The following HS3ST2 variants were observed in gnomAD, a reference collection of about 807,000 sequenced individuals.
HS3ST2 encodes the protein heparan sulfate-glucosamine 3-sulfotransferase 2.
Under a neutral mutation model 26.3 loss-of-function variants are expected in HS3ST2, and 17 were observed. The observed-to-expected ratio is 0.65, with a 90% CI of 0.44 to 0.97. HS3ST2 has a LOEUF of 0.97. Among genes scored for constraint, HS3ST2 ranks in the 50% least tolerant of loss-of-function variants. The probability of loss-of-function intolerance (pLI) is 0.00; values close to 1 mark genes in which losing one functional copy is unlikely to be tolerated. For synonymous variants in HS3ST2, 237 were observed against 219.2 expected (o/e 1.08, Z -0.72); for missense variants, 402 against 501.2 (o/e 0.80, Z 1.89).
intron 1 of HS3ST2, among the ~76,000 whole-genome samples, chr16:22,831,640 T>C (rs1160256573): frequency 6.6e-6 from 1 of 152,222 alleles, no homozygotes; most frequent in Non-Finnish European, 1.5e-5. Context: ...GAGAAGTCTT[T>C]GTTTATTGTT....
chr16:22,853,277 G>A (rs977400525), intron 1 of HS3ST2, among the ~76,000 whole-genome samples: 1 of 152,094 alleles, frequency 6.6e-6, no homozygotes, highest in Non-Finnish European at 1.5e-5. Context: ...ACTTCTTACA[G>A]GTGGACTCAT....
At chr16:22,832,209 C>G (rs1049541570) in intron 1 of HS3ST2, among the ~76,000 whole-genome samples, 13 of 146,144 alleles carry the variant, frequency 8.9e-5, no homozygotes, top group Non-Finnish European at 1.6e-4. Context: ...GTTGCCCAAG[C>G]TGGTTTCAAA....
At chr16:22,899,523 C>CAG (rs1180189089) in intron 1 of HS3ST2, among the ~76,000 whole-genome samples, 3 of 152,064 alleles carry the variant, frequency 2.0e-5, no homozygotes, top group Non-Finnish European at 4.4e-5. Context: ...GCCAGTTGTC[C>CAG]AGAGACACAT....
chr16:22,833,105 C>T lies in HS3ST2; in HGVS notation c.485+18010C>T, dbSNP rs1901199001. On this transcript the variant is annotated intron_variant, in intron 1 of 1. Coordinates refer to ENST00000261374, the MANE Select transcript of HS3ST2 (RefSeq NM_006043.2). ...CTCCCCAGCCTCTGCTAAAGATGGG[C>T]CACCAATGGTGTTGATCTGGAATTG... Among the ~76,000 whole-genome samples the T allele has an allele frequency of 5.3e-5, 8 of 152,318 alleles. No homozygotes were observed. In the South Asian group the frequency reaches 1.7e-3, roughly 32 times the overall value.
At chr16:22,833,508 A>C (rs950384141) in intron 1 of HS3ST2, 12 of 369,066 alleles carry the variant, frequency 3.3e-5, no homozygotes, top group African/African-American at 1.7e-4. Context: ...GGATGGTGTC[A>C]CTTCATAAAC....
intron 1 of HS3ST2, among the ~76,000 whole-genome samples, chr16:22,859,029 G>A (rs1412092278): frequency 6.6e-6 from 1 of 152,094 alleles, no homozygotes; most frequent in East Asian, 1.9e-4. Flanking sequence ...AGATGGGCGT[G>A]GTGGTGTATG....
intron 1 of HS3ST2, 68 bp from the exon 2 acceptor site, chr16:22,914,876 A>C: frequency 1.3e-6 from 2 of 1,509,432 alleles, no homozygotes; most frequent in East Asian, 2.3e-5. Context: ...GGAAGGGCTG[A>C]TGTAGCTGGG....
intron 1 of HS3ST2, among the ~76,000 whole-genome samples, chr16:22,818,725 CTCCCTCCCTCCT>C (rs1900916359): frequency 2.2e-5 from 1 of 45,698 alleles, no homozygotes; most frequent in African/African-American, 1.3e-4. Flanking sequence ...CCTTCCTTCC[CTCCCTCCCTCCT>C]TCCCTTCCTT....
At chr16:22,894,442 C>T (rs1270984407) in intron 1 of HS3ST2, among the ~76,000 whole-genome samples, 2 of 152,178 alleles carry the variant, frequency 1.3e-5, no homozygotes, top group Admixed American at 1.3e-4. Context: ...GTGCCTTTTC[C>T]CAAAACGCTC....
chr16:22,884,638 C>G (rs1902034565), intron 1 of HS3ST2, among the ~76,000 whole-genome samples: 1 of 147,998 alleles, frequency 6.8e-6, no homozygotes, highest in East Asian at 2.0e-4. Context: ...TCAGTTTTCC[C>G]ATCAGCAAAA....
intron 1 of HS3ST2, among the ~76,000 whole-genome samples, chr16:22,877,802 T>C (rs1440266279): frequency 6.6e-6 from 1 of 152,222 alleles, no homozygotes. Context: ...GTGTTGCTTG[T>C]CTGACCAAGT....
chr16:22,837,083 GT>G, intron 1 of HS3ST2, among the ~76,000 whole-genome samples: 1 of 148,388 alleles, frequency 6.7e-6, no homozygotes, highest in Admixed American at 6.8e-5. Flanking sequence ...TTGGCAAACT[GT>G]TTTGTTTTGT....
At chr16:22,816,733 G>A (rs1315682662) in intron 1 of HS3ST2, among the ~76,000 whole-genome samples, 1 of 152,202 alleles carries the variant, frequency 6.6e-6, no homozygotes, top group Admixed American at 6.5e-5. Flanking sequence ...CGGGATGGAG[G>A]AGGCAAACAC....
intron 1 of HS3ST2, among the ~76,000 whole-genome samples, chr16:22,912,530 G>A (rs137955064): frequency 3.0e-4 from 46 of 152,258 alleles, no homozygotes; most frequent in African/African-American, 1.1e-3. Context: ...ACAATTCAAG[G>A]GCAAGCCGGT....
At chr16:22,875,759 T>G (rs1052550856) in intron 1 of HS3ST2, among the ~76,000 whole-genome samples, 1 of 152,208 alleles carries the variant, frequency 6.6e-6, no homozygotes, top group Non-Finnish European at 1.5e-5. Context: ...CACTTACTGG[T>G]TCTCCCAGAG....
At chr16:22,876,287 G>C (rs1005584633) in intron 1 of HS3ST2, among the ~76,000 whole-genome samples, 1 of 151,968 alleles carries the variant, frequency 6.6e-6, no homozygotes, top group Non-Finnish European at 1.5e-5. Flanking sequence ...AGTGGGCTAA[G>C]GACATGCACA....
At chr16:22,883,419 G>T (rs1337139423) in intron 1 of HS3ST2, among the ~76,000 whole-genome samples, 1 of 152,238 alleles carries the variant, frequency 6.6e-6, no homozygotes, top group Non-Finnish European at 1.5e-5. Context: ...TGGGACAAAA[G>T]AGTTATCTAA....
intron 1 of HS3ST2, among the ~76,000 whole-genome samples, chr16:22,866,055 C>T (rs183945859): frequency 1.3e-5 from 2 of 152,148 alleles, no homozygotes; most frequent in African/African-American, 4.8e-5. Flanking sequence ...AATTACCTGA[C>T]TGGTTCCTTA....
chr16:22,824,802 A>G lies in HS3ST2; in HGVS notation c.485+9707A>G, dbSNP rs541800560. Among the ~76,000 whole-genome samples the G allele has an allele frequency of 4.6e-5, 7 of 152,220 alleles. No homozygotes were observed. In the South Asian group the frequency reaches 1.2e-3, roughly 27 times the overall value. On this transcript the variant is annotated intron_variant, in intron 1 of 1. Coordinates refer to ENST00000261374, the MANE Select transcript of HS3ST2 (RefSeq NM_006043.2). ...GACAGGGCTTCCCAAGCTTGCCTTTAATAGGGCTGATGGTCAATTAAAGGG... is the reference window on the plus strand; with the variant it reads ...GACAGGGCTTCCCAAGCTTGCCTTTGATAGGGCTGATGGTCAATTAAAGGG...
Sources: allele counts gnomAD v4.1 joint callset (sites outside exome capture counted in the v4.1 genomes callset), GRCh38; gene constraint gnomAD v4.1.1; transcripts MANE v1.5; gene names NCBI Gene and HGNC (gene_info 2026-07-23, HGNC 2026-07-21).